PCDHA3: variants seen among roughly 807,000 people sequenced by gnomAD.
The protein encoded by PCDHA3 is protocadherin alpha 3.
Under a neutral mutation model 62.2 loss-of-function variants are expected in PCDHA3, and 41 were observed. The observed-to-expected ratio is 0.66, with a 90% CI of 0.51 to 0.86. The LOEUF (loss-of-function observed/expected upper bound fraction) is 0.86. Ranked by LOEUF, PCDHA3 falls within the 40% of genes least tolerant of loss-of-function variation. PCDHA3 has a pLI of 0.00. For missense variants in PCDHA3, 1,304 were observed against 1,241.2 expected, an observed-to-expected ratio of 1.05 and a Z score of -0.76; for synonymous variants, 640 against 555.4, an observed-to-expected ratio of 1.15 and a Z score of -2.14.
chr5:140,883,791 T>C, intron 1 of PCDHA3: 3 of 1,612,422 alleles, frequency 1.9e-6, no homozygotes, highest in Middle Eastern at 3.9e-4. Flanking sequence ...TCGAGCTACG[T>C]GTCGGTGCAC....
At chr5:140,890,576 A>T (rs1554184435) in intron 1 of PCDHA3, among the ~76,000 whole-genome samples, 2 of 151,634 alleles carry the variant, frequency 1.3e-5, no homozygotes, top group African/African-American at 4.8e-5. Flanking sequence ...TTCCTTCTGT[A>T]TTATTTGGAA....
chr5:140,879,532 C>T (rs1189647724), intron 1 of PCDHA3, among the ~76,000 whole-genome samples: 1 of 152,146 alleles, frequency 6.6e-6, no homozygotes, highest in Admixed American at 6.5e-5. Context: ...TTGGGAACAA[C>T]TCCTTTAGAG....
At chr5:140,889,387 C>G (rs1174974313) in intron 1 of PCDHA3, among the ~76,000 whole-genome samples, 1 of 151,966 alleles carries the variant, frequency 6.6e-6, no homozygotes, top group East Asian at 1.9e-4. Context: ...AAGGACCATT[C>G]AGAGTTTAAT....
intron 1 of PCDHA3, chr5:140,871,249 C>A (rs782675743): frequency 8.1e-6 from 13 of 1,613,984 alleles, no homozygotes; most frequent in South Asian, 1.1e-5. Flanking sequence ...CACGCTGCTG[C>A]TGTATACGGC....
chr5:140,997,131 C>T (rs577407385), intron 3 of PCDHA3, among the ~76,000 whole-genome samples: 26 of 152,126 alleles, frequency 1.7e-4, no homozygotes, highest in African/African-American at 6.0e-4. Flanking sequence ...ACACAATGCC[C>T]CCACACCCCC....
intron 1 of PCDHA3, chr5:140,849,828 G>A (rs2150452288): frequency 2.5e-6 from 4 of 1,598,564 alleles, no homozygotes; most frequent in East Asian, 2.2e-5. Flanking sequence ...GTCTGTGGAG[G>A]TGGCCGACGT....
intron 1 of PCDHA3, among the ~76,000 whole-genome samples, chr5:140,945,356 G>A (rs1294877669): frequency 1.1e-4 from 16 of 151,976 alleles, no homozygotes; most frequent in Non-Finnish European, 1.9e-4. Flanking sequence ...AATTAATACT[G>A]TTTAAAATGT....
chr5:140,941,248 T>TTTCTTTCC (rs1563187616), intron 1 of PCDHA3, among the ~76,000 whole-genome samples: 1 of 141,492 alleles, frequency 7.1e-6, no homozygotes, highest in African/African-American at 2.6e-5. Context: ...TCTTTCTTTC[T>TTTCTTTCC]TTCTTTCTCT....
chr5:140,836,961 G>A, intron 1 of PCDHA3: 1 of 400,098 alleles, frequency 2.5e-6, no homozygotes, highest in Non-Finnish European at 4.3e-6. Context: ...GTTTATGTTG[G>A]CTACTCTCCA....
chr5:140,847,454 A>C (rs1187460467), intron 1 of PCDHA3: 1 of 149,898 alleles, frequency 6.7e-6, no homozygotes, highest in Non-Finnish European at 1.5e-5. Flanking sequence ...ATCTAGATTT[A>C]ATTAATCGAC....
At chr5:140,854,746 A>G (rs1562496146) in intron 1 of PCDHA3, 1 of 149,836 alleles carries the variant, frequency 6.7e-6, no homozygotes, top group Non-Finnish European at 1.5e-5. Context: ...CAGCACAGAT[A>G]TATTACATTT....
At chr5:140,838,754 T>A in intron 1 of PCDHA3, among the ~76,000 whole-genome samples, 1 of 151,892 alleles carries the variant, frequency 6.6e-6, no homozygotes, top group East Asian at 1.9e-4. Flanking sequence ...TGTGCATCTT[T>A]TGTAGAGACT....
In PCDHA3 at chr5:140,829,498, G is replaced by A. The variant is rs143385612; in HGVS notation, c.2394+25907G>A. On this transcript the variant is annotated intron_variant, in intron 1 of 3. Transcript: ENST00000522353. ...CAGTGTTCGTGAAGGAGAACAACCC[G>A]CCGGGCTGCCACATCTTCACGGTGT... is the stretch of plus-strand genomic sequence containing the variant. The A allele has an allele frequency of 5.0e-6, 8 of 1,613,570 alleles. No individual in the cohort carries two copies. In the African/African-American group the frequency reaches 6.7e-5, roughly 13 times the overall value.
intron 1 of PCDHA3, among the ~76,000 whole-genome samples, chr5:140,922,795 G>C (rs1393016233): frequency 7.9e-5 from 12 of 152,152 alleles, no homozygotes; most frequent in African/African-American, 2.9e-4. Context: ...TGTAGCTTTG[G>C]AATACAGAAA....
At chr5:140,834,488 C>G in intron 1 of PCDHA3, 1 of 1,614,154 alleles carries the variant, frequency 6.2e-7, no homozygotes. Flanking sequence ...ACTACTCGGT[C>G]CCCGAGGAGG....
At chr5:140,809,495 A>G (rs782500159) in intron 1 of PCDHA3, 2 of 1,614,238 alleles carry the variant, frequency 1.2e-6, no homozygotes, top group Admixed American at 1.7e-5. Flanking sequence ...GACCGACCTC[A>G]TGGCCTTCAG....
intron 1 of PCDHA3, chr5:140,929,480 G>T: frequency 8.4e-7 from 1 of 1,195,420 alleles, no homozygotes; most frequent in Non-Finnish European, 1.1e-6. Flanking sequence ...TGGAAGTATA[G>T]AAGTATTAGA....
chr5:140,903,768 T>C (rs1211667697), intron 1 of PCDHA3, among the ~76,000 whole-genome samples: 1 of 152,212 alleles, frequency 6.6e-6, no homozygotes, highest in Non-Finnish European at 1.5e-5. Flanking sequence ...TGCTGAACTT[T>C]TCTATCCATA....
intron 1 of PCDHA3, among the ~76,000 whole-genome samples, chr5:140,943,845 C>A (rs59104695): frequency 3.3e-5 from 5 of 152,226 alleles, no homozygotes; most frequent in Admixed American, 1.3e-4. Flanking sequence ...TGTAAGATGT[C>A]ACAGAAGTCA....
Sources: allele counts gnomAD v4.1 joint callset (sites outside exome capture counted in the v4.1 genomes callset), GRCh38; gene constraint gnomAD v4.1.1; transcripts MANE v1.5; gene names NCBI Gene and HGNC (gene_info 2026-07-23, HGNC 2026-07-21).